The following LHFPL3 variants were observed in gnomAD, a reference collection of about 807,000 sequenced individuals.
LHFPL3 encodes the protein LHFPL tetraspan subfamily member 3 protein.
In LHFPL3, 5 loss-of-function variants were observed where a neutral mutation model predicts 19.3. The observed-to-expected ratio is 0.26, with a 90% CI of 0.14 to 0.54. The LOEUF (loss-of-function observed/expected upper bound fraction) is 0.54, where lower values mean the gene tolerates loss of function less well. LHFPL3 is among the 20% of genes least tolerant of loss of function. LHFPL3 has a pLI of 0.94. For missense variants in LHFPL3, 249 were observed against 307.4 expected, an observed-to-expected ratio of 0.81 and a Z score of 1.42; for synonymous variants, 133 against 126.2, an observed-to-expected ratio of 1.05 and a Z score of -0.36.
chr7:104,870,105 G>A (rs143579848), intron 2 of LHFPL3, among the ~76,000 whole-genome samples: 2,367 of 152,114 alleles, frequency 0.016, 76 homozygotes, highest in African/African-American at 0.051. Flanking sequence ...GTGGGGGGAC[G>A]GGGGAGGGAT....
At chr7:104,409,672 A>G (rs184114214) in intron 1 of LHFPL3, among the ~76,000 whole-genome samples, 34 of 152,310 alleles carry the variant, frequency 2.2e-4, no homozygotes, top group Admixed American at 1.4e-3. Context: ...AAAGTTAAGA[A>G]AAATAAAAAA....
chr7:104,845,624 A>G (rs184059830), intron 2 of LHFPL3: 15 of 247,214 alleles, frequency 6.1e-5, no homozygotes, highest in African/African-American at 3.2e-4. Context: ...CTCTCCCACA[A>G]TCCCTGGCAC....
chr7:104,692,312 A>G (rs1049878311), intron 1 of LHFPL3, among the ~76,000 whole-genome samples: 4 of 152,274 alleles, frequency 2.6e-5, no homozygotes, highest in Non-Finnish European at 5.9e-5. Flanking sequence ...AGATTGCTGC[A>G]GAAATTTGCT....
At chr7:104,379,649 A>G (rs767727912) in intron 1 of LHFPL3, among the ~76,000 whole-genome samples, 3 of 152,228 alleles carry the variant, frequency 2.0e-5, no homozygotes, top group Non-Finnish European at 2.9e-5. Context: ...TTGTAGGTGC[A>G]TCAGTCAATG....
Position 104,900,562 on chromosome 7 carries a change from C to T in LHFPL3, c.683-5625C>T, listed in dbSNP as rs149232536. Among the ~76,000 whole-genome samples, 261 of 152,268 alleles carry T rather than the reference C, an allele frequency of 1.7e-3. 2 individuals carry two copies. Among genetic ancestry groups the T allele is most frequent in the African/African-American group, 6.0e-3 (248 of 41,536 alleles). On this transcript the variant is annotated intron_variant, in intron 2 of 2. Transcript: ENST00000424859. ...CCTCCATCGTCTCCTGTGTTGAAATCGGTATGTCAGATCCAAAGGGAGACA... is the reference window on the plus strand; with the variant it reads ...CCTCCATCGTCTCCTGTGTTGAAATTGGTATGTCAGATCCAAAGGGAGACA...
chr7:104,884,967 G>A (rs1792122330), intron 2 of LHFPL3, among the ~76,000 whole-genome samples: 1 of 152,128 alleles, frequency 6.6e-6, no homozygotes, highest in Non-Finnish European at 1.5e-5. Context: ...GATAGAAGAA[G>A]GGAAGGTCAG....
At chr7:104,597,398 C>A (rs1423122531) in intron 1 of LHFPL3, among the ~76,000 whole-genome samples, 1 of 152,162 alleles carries the variant, frequency 6.6e-6, no homozygotes, top group African/African-American at 2.4e-5. Flanking sequence ...TTAGCTAAGA[C>A]TAGAAGATGC....
At chr7:104,864,539 C>A (rs2005888) in intron 2 of LHFPL3, among the ~76,000 whole-genome samples, 96,666 of 152,072 alleles carry the variant, frequency 0.64, 32,886 homozygotes, top group Non-Finnish European at 0.78. Flanking sequence ...AGTCTGAGAT[C>A]AAATTGCAAG....
intron 2 of LHFPL3, among the ~76,000 whole-genome samples, chr7:104,852,650 C>T (rs1344156541): frequency 6.6e-6 from 1 of 152,254 alleles, no homozygotes; most frequent in African/African-American, 2.4e-5. Context: ...CCAGTGCAGT[C>T]CCACAGGGAC....
chr7:104,521,978 G>A (rs1489662384), intron 1 of LHFPL3, among the ~76,000 whole-genome samples: 1 of 152,054 alleles, frequency 6.6e-6, no homozygotes, highest in Non-Finnish European at 1.5e-5. Flanking sequence ...AGTCAGTGTG[G>A]CGATTCCTCA....
At chr7:104,536,019 G>T (rs1281194053) in intron 1 of LHFPL3, among the ~76,000 whole-genome samples, 2 of 152,174 alleles carry the variant, frequency 1.3e-5, no homozygotes, top group African/African-American at 2.4e-5. Flanking sequence ...AGCACCACGG[G>T]AGGAAGCCGC....
intron 1 of LHFPL3, among the ~76,000 whole-genome samples, chr7:104,634,240 A>G (rs930590195): frequency 2.0e-5 from 3 of 152,100 alleles, no homozygotes; most frequent in Admixed American, 6.5e-5. Flanking sequence ...TAAACAACAG[A>G]AATTTATTTT....
chr7:104,780,634 C>G (rs1238410577), intron 2 of LHFPL3, among the ~76,000 whole-genome samples: 1 of 152,178 alleles, frequency 6.6e-6, no homozygotes, highest in African/African-American at 2.4e-5. Flanking sequence ...TTACAACCGC[C>G]CACCCTTGCT....
At chr7:104,405,999 T>C (rs1791404921) in intron 1 of LHFPL3, among the ~76,000 whole-genome samples, 1 of 152,230 alleles carries the variant, frequency 6.6e-6, no homozygotes, top group African/African-American at 2.4e-5. Flanking sequence ...AGAAATCAAA[T>C]GTAGAATAAC....
At chr7:104,660,280 C>T (rs538896695) in intron 1 of LHFPL3, among the ~76,000 whole-genome samples, 3 of 152,196 alleles carry the variant, frequency 2.0e-5, no homozygotes, top group Non-Finnish European at 2.9e-5. Flanking sequence ...GGATTACAGG[C>T]GTGAGCCACC....
At chr7:104,769,463 T>A (rs1256474860) in intron 2 of LHFPL3, among the ~76,000 whole-genome samples, 1 of 152,184 alleles carries the variant, frequency 6.6e-6, no homozygotes. Context: ...AATTTCTTTT[T>A]TTATTATTAT....
chr7:104,866,148 T>C (rs1175637534), intron 2 of LHFPL3, among the ~76,000 whole-genome samples: 4 of 152,148 alleles, frequency 2.6e-5, no homozygotes, highest in Non-Finnish European at 5.9e-5. Context: ...CCATCAATGC[T>C]AGGAAGAAAC....
intron 1 of LHFPL3, among the ~76,000 whole-genome samples, chr7:104,630,989 C>CAT (rs1791628855): frequency 6.6e-6 from 1 of 152,076 alleles, no homozygotes; most frequent in Non-Finnish European, 1.5e-5. Flanking sequence ...ATTGTGGTGC[C>CAT]ATACTGGTAG....
chr7:104,347,045 C>T (rs1790081044), intron 1 of LHFPL3, among the ~76,000 whole-genome samples: 2 of 111,260 alleles, frequency 1.8e-5, no homozygotes, highest in Admixed American at 2.1e-4. Flanking sequence ...TCAGTTTCCT[C>T]ATCTGTAAAA....
Sources: gnomAD v4.1 joint callset for allele counts (sites outside exome capture counted in the v4.1 genomes callset) on GRCh38, gnomAD v4.1.1 for gene constraint, MANE v1.5 for transcripts, NCBI Gene and HGNC (gene_info 2026-07-23, HGNC 2026-07-21) for gene names.